The following ONECUT2 variants were observed in gnomAD, a reference collection of about 807,000 sequenced individuals.
The protein encoded by ONECUT2 is one cut homeobox 2.
A neutral mutation model predicts 27.9 loss-of-function variants in ONECUT2; 10 were observed. That is an observed-to-expected ratio of 0.36 (90% CI 0.22 to 0.61). The LOEUF (loss-of-function observed/expected upper bound fraction) is 0.61. ONECUT2 is among the 20% of genes least tolerant of loss of function. ONECUT2 has a pLI of 0.73. For missense variants in ONECUT2, 686 were observed against 721.0 expected (o/e 0.95, Z 0.56); for synonymous variants, 334 against 315.1 (o/e 1.06, Z -0.64).
intron 1 of ONECUT2, among the ~76,000 whole-genome samples, chr18:57,445,877 T>C (rs2050198464): frequency 6.6e-6 from 1 of 151,812 alleles, no homozygotes; most frequent in Non-Finnish European, 1.5e-5. Flanking sequence ...GGAAGAAGAG[T>C]TTTCTCATTG....
intron 1 of ONECUT2, among the ~76,000 whole-genome samples, chr18:57,450,667 G>C (rs2050225104): frequency 6.6e-6 from 1 of 152,086 alleles, no homozygotes; most frequent in South Asian, 2.1e-4. Context: ...CCCACCTCAG[G>C]GCAATTGTGC....
chr18:57,483,507 AC>A lies in ONECUT2; in HGVS notation c.*6785del, dbSNP rs2050425662. 2 of 152,506 alleles carry A rather than the reference AC, an allele frequency of 1.3e-5. No individual in the cohort carries two copies. The highest frequency in any genetic ancestry group is 4.8e-5 in the African/African-American group (2 of 41,450). The allele number at this position is 152,506 out of a possible 1,614,324, so 9.4% of individuals were successfully genotyped here. A position where few individuals can be genotyped will look rare whatever the true frequency, so the allele number is the denominator to read the frequency against. ...TAACTTATTTAAATTAGTTCCTAGTACATAAATGTATAGGATTTGGGTAATT... is the reference window on the plus strand; with the variant it reads ...TAACTTATTTAAATTAGTTCCTAGTAATAAATGTATAGGATTTGGGTAATT... On this transcript the variant is annotated 3_prime_UTR_variant, in exon 2 of 2. Coordinates refer to ENST00000491143, the MANE Select transcript of ONECUT2 (RefSeq NM_004852.3).
chr18:57,439,891 A>G (rs959464528), intron 1 of ONECUT2, among the ~76,000 whole-genome samples: 36 of 152,224 alleles, frequency 2.4e-4, no homozygotes, highest in African/African-American at 8.2e-4. Flanking sequence ...CAAACAGCCA[A>G]GCAGGCCGGG....
chr18:57,478,993 G>C lies in ONECUT2; in HGVS notation c.*2270G>C, dbSNP rs577902037. 6.5e-6 allele frequency: 1 copy of C among 152,720 alleles called. No homozygotes were observed. The highest frequency in any genetic ancestry group is 2.1e-4 in the South Asian group (1 of 4,830). 9.5% of individuals were successfully genotyped at this position (152,720 alleles called of 1,614,324 possible). ...ATGGACTCCAAGTTTAAGATGTTGG[G>C]ATATTGAACAGTTCTCTCTGCTCAG... On this transcript the variant is annotated 3_prime_UTR_variant, in exon 2 of 2. Transcript: ENST00000491143.
At position 57,436,162 on chromosome 18, in the gene ONECUT2, C is replaced by G. The variant is rs983202026; in HGVS notation, c.446C>G (p.Thr149Ser). 43 of 1,606,266 alleles carry G rather than the reference C, an allele frequency of 2.7e-5. No homozygotes were observed. Among genetic ancestry groups the G allele is most frequent in the Non-Finnish European group, 3.4e-5 (40 of 1,179,784 alleles). ...GGCATGGGCATGAGCAACACCTACACCACGCTGACACCGCTCCAGCCGCTG... is the reference window on the plus strand; with the variant it reads ...GGCATGGGCATGAGCAACACCTACAGCACGCTGACACCGCTCCAGCCGCTG... The part of the protein sequence containing the change: ...PPGMGMSNTY[T>S]TLTPLQPLPP... Residue 149 changes from threonine (T) to serine (S), a missense_variant, in exon 1 of 2, where the codon ACC becomes AGC. Coordinates refer to ENST00000491143, the MANE Select transcript of ONECUT2 (RefSeq NM_004852.3). The surrounding 1 kb of genome is among the most constrained non-coding windows in gnomAD (Gnocchi z 5.9).
intron 1 of ONECUT2, among the ~76,000 whole-genome samples, chr18:57,458,082 T>C (rs1363304038): frequency 1.3e-5 from 2 of 152,168 alleles, no homozygotes; most frequent in East Asian, 3.8e-4. Context: ...GCAACAAACC[T>C]GCACGTTGTG....
Position 57,489,562 on chromosome 18 carries a change from C to T in ONECUT2, c.*12839C>T, listed in dbSNP as rs530076611. ...GTTTGAGGTTTTTATCCCCCCATATCCTTTGCTTTGGTCCAGTTTGGCCTT... is the reference window on the plus strand; with the variant it reads ...GTTTGAGGTTTTTATCCCCCCATATTCTTTGCTTTGGTCCAGTTTGGCCTT... On this transcript the variant is annotated 3_prime_UTR_variant, in exon 2 of 2. Coordinates refer to ENST00000491143, the MANE Select transcript of ONECUT2 (RefSeq NM_004852.3). 1 of 152,170 alleles carries T rather than the reference C, an allele frequency of 6.6e-6. No individual in the cohort carries two copies. Among genetic ancestry groups the T allele is most frequent in the South Asian group, 2.1e-4 (1 of 4,810 alleles). 9.4% of individuals were successfully genotyped at this position (152,170 alleles called of 1,614,324 possible).
intron 1 of ONECUT2, among the ~76,000 whole-genome samples, chr18:57,463,569 A>G (rs13343283): frequency 6.6e-6 from 1 of 152,182 alleles, no homozygotes; most frequent in East Asian, 1.9e-4. Flanking sequence ...CTGTAGATCA[A>G]TATGGAAAGA....
At chr18:57,473,319 G>A (rs913590543) in intron 1 of ONECUT2, among the ~76,000 whole-genome samples, 1 of 152,242 alleles carries the variant, frequency 6.6e-6, no homozygotes, top group Non-Finnish European at 1.5e-5. Context: ...AGGTCTCCAT[G>A]TATTTCCTTT....
At position 57,435,854 on chromosome 18, in the gene ONECUT2, G is replaced by GGGCGGCGGGGGC. The variant is rs981031346; in HGVS notation, c.151_162dup (p.Gly51_Gly54dup). ...GCGGCAGTGGCGGGGGCGGCGGCGG[G>GGGCGGCGGGGGC]GGCGGCGGGGGCGGCGGCGGGGGCC... On this transcript the variant is annotated inframe_insertion, in exon 1 of 2. Transcript: ENST00000491143. The GGGCGGCGGGGGC allele has an allele frequency of 2.2e-5, 22 of 1,006,214 alleles. No individual in the cohort carries two copies. The highest frequency in any genetic ancestry group is 5.3e-5 in the African/African-American group (3 of 56,576). The allele number at this position is 1,006,214 out of a possible 1,614,324, so 62.3% of individuals were successfully genotyped here.
intron 1 of ONECUT2, among the ~76,000 whole-genome samples, chr18:57,447,362 G>C (rs112285684): frequency 6.6e-6 from 1 of 152,248 alleles, no homozygotes; most frequent in Admixed American, 6.5e-5. Flanking sequence ...ATCCAGGCAA[G>C]AGCCTGACCA....
rs2050451196 is a variant in ONECUT2 at position 57,488,938 on chromosome 18, T to C, written c.*12215T>C. The C allele has an allele frequency of 6.6e-6, 1 of 152,354 alleles. No homozygotes were observed. Among genetic ancestry groups the C allele is most frequent in the African/African-American group, 2.4e-5 (1 of 41,474 alleles). The allele number at this position is 152,354 out of a possible 1,614,324, so 9.4% of individuals were successfully genotyped here. On this transcript the variant is annotated 3_prime_UTR_variant, in exon 2 of 2. Transcript: ENST00000491143. The stretch of plus-strand genomic sequence containing the variant: ...AACACTTCCCTGCAATCCTTTGGTC[T>C]TGAGCATGTGCCAGCATGAAGGCAG...
chr18:57,481,240 T>C lies in ONECUT2; in HGVS notation c.*4517T>C, dbSNP rs1366040038. The C allele has an allele frequency of 6.6e-6, 1 of 152,144 alleles. No homozygotes were observed. Among genetic ancestry groups the C allele is most frequent in the Non-Finnish European group, 1.5e-5 (1 of 68,042 alleles). 9.4% of individuals were successfully genotyped at this position (152,144 alleles called of 1,614,324 possible). On this transcript the variant is annotated 3_prime_UTR_variant, in exon 2 of 2. Coordinates refer to ENST00000491143, the MANE Select transcript of ONECUT2 (RefSeq NM_004852.3). ...GCTTTTCCAAAATGTAAAAGAAGTGTTTAGCTTGCACCATGCATAAAGGTG... is the reference window on the plus strand; with the variant it reads ...GCTTTTCCAAAATGTAAAAGAAGTGCTTAGCTTGCACCATGCATAAAGGTG...
Position 57,488,902 on chromosome 18 carries a change from C to CCA in ONECUT2, c.*12179_*12180insCA, listed in dbSNP as rs58738314. ...GGCCAAAAATCTCTAACCTCACTCT[C>CCA]TCTGGACTCCAACACTTCCCTGCAA... On this transcript the variant is annotated 3_prime_UTR_variant, in exon 2 of 2. Transcript: ENST00000491143. 0.52 allele frequency: 78,919 copies of CCA among 151,672 alleles called. 23,676 individuals carry two copies. Among genetic ancestry groups the CCA allele is most frequent in the Non-Finnish European group, 0.69 (46,540 of 67,760 alleles). The allele number at this position is 151,672 out of a possible 1,614,324, so 9.4% of individuals were successfully genotyped here.
In ONECUT2 at chr18:57,469,277, G is replaced by A. The variant is rs143133988; in HGVS notation, c.1229-7160G>A. Among the ~76,000 whole-genome samples the A allele has an allele frequency of 2.2e-3, 338 of 152,326 alleles. 3 individuals are homozygous for A. The highest frequency in any genetic ancestry group is 7.4e-3 in the African/African-American group (306 of 41,582). On this transcript the variant is annotated intron_variant, in intron 1 of 1. Transcript: ENST00000491143. Reference sequence around the variant, plus strand: ...AAGCGAAAAGGCCTCTTCTGCAGGTGTACTTTTCAAACCTGTATCCTTGGA... The same window carrying A: ...AAGCGAAAAGGCCTCTTCTGCAGGTATACTTTTCAAACCTGTATCCTTGGA...
In ONECUT2 at chr18:57,483,320, T is replaced by G. The variant is rs1361933377; in HGVS notation, c.*6597T>G. 6.6e-6 allele frequency: 1 copy of G among 152,508 alleles called. No homozygotes were observed. The highest frequency in any genetic ancestry group is 1.5e-5 in the Non-Finnish European group (1 of 68,022). The allele number at this position is 152,508 out of a possible 1,614,324, so 9.4% of individuals were successfully genotyped here. A position where few individuals can be genotyped will look rare whatever the true frequency, so the allele number is the denominator to read the frequency against. On this transcript the variant is annotated 3_prime_UTR_variant, in exon 2 of 2. Transcript: ENST00000491143. Reference sequence around the variant, plus strand: ...AATGGTCTTTAACATGAGAAAGTTTTAGAGGTTATAATTTCCTGCTTTGTT... The same window carrying G: ...AATGGTCTTTAACATGAGAAAGTTTGAGAGGTTATAATTTCCTGCTTTGTT...
At chr18:57,471,547 C>T (rs1053139965) in intron 1 of ONECUT2, among the ~76,000 whole-genome samples, 15 of 152,266 alleles carry the variant, frequency 9.9e-5, no homozygotes, top group African/African-American at 2.9e-4. Context: ...TCAGAGAGGG[C>T]TTGTGCCCGA....
chr18:57,456,524 T>C (rs542512626), intron 1 of ONECUT2, among the ~76,000 whole-genome samples: 1 of 152,338 alleles, frequency 6.6e-6, no homozygotes, highest in East Asian at 1.9e-4. Flanking sequence ...TTCACTTATA[T>C]GAAGTGTCTA....
Position 57,482,083 on chromosome 18 carries a change from G to T in ONECUT2, c.*5360G>T, listed in dbSNP as rs938599682. The stretch of plus-strand genomic sequence containing the variant: ...AGATCAAGTCACCCCTGAAACAACA[G>T]GAGATTCTAGTTTTAAAATAAGGCC... On this transcript the variant is annotated 3_prime_UTR_variant, in exon 2 of 2. Transcript: ENST00000491143. The T allele has an allele frequency of 6.6e-6, 1 of 152,148 alleles. No individual in the cohort carries two copies. Among genetic ancestry groups the T allele is most frequent in the Non-Finnish European group, 1.5e-5 (1 of 68,028 alleles). The allele number at this position is 152,148 out of a possible 1,614,324, so 9.4% of individuals were successfully genotyped here. A position where few individuals can be genotyped will look rare whatever the true frequency, so the allele number is the denominator to read the frequency against.
Sources: allele counts gnomAD v4.1 joint callset (sites outside exome capture counted in the v4.1 genomes callset), GRCh38; gene constraint gnomAD v4.1.1; non-coding constraint Gnocchi (gnomAD v3.1); transcripts MANE v1.5; gene names NCBI Gene and HGNC (gene_info 2026-07-23, HGNC 2026-07-21).